BNC2: variants seen among roughly 807,000 people sequenced by gnomAD.
BNC2 encodes basonuclin zinc finger protein 2, also known as zinc finger protein basonuclin-2.
A neutral mutation model predicts 76.3 loss-of-function variants in BNC2; 20 were observed. That is an observed-to-expected ratio of 0.26 (90% CI 0.18 to 0.38). BNC2 has a LOEUF of 0.38. Ranked by LOEUF, BNC2 falls within the 10% of genes least tolerant of loss-of-function variation. BNC2 has a pLI of 1.00. For synonymous variants in BNC2, 582 were observed against 514.8 expected (o/e 1.13, Z -1.77); for missense variants, 1,382 against 1,399.8 (o/e 0.99, Z 0.20).
Position 16,725,985 on chromosome 9 carries a change from A to AACACACACAC in BNC2, c.330+1802_330+1811dup, listed in dbSNP as rs201355622. The stretch of plus-strand genomic sequence containing the variant: ...GAGACGTAAGCCAATCTTCCCTTCT[A>AACACACACAC]ACACACACACACACACGCACACACA... On this transcript the variant is annotated intron_variant, in intron 3 of 6. Coordinates refer to ENST00000380672, the MANE Select transcript of BNC2 (RefSeq NM_017637.6). Among the ~76,000 whole-genome samples, 1,172 of 142,388 alleles carry AACACACACAC rather than the reference A, an allele frequency of 8.2e-3. 12 individuals are homozygous for AACACACACAC. The highest frequency in any genetic ancestry group is 0.019 in the African/African-American group (703 of 37,330). 93.4% of individuals were successfully genotyped at this position (142,388 alleles called of 152,430 possible).
chr9:16,463,299 T>TTC (rs1821626107), intron 5 of BNC2, among the ~76,000 whole-genome samples: 1 of 133,936 alleles, frequency 7.5e-6, no homozygotes, highest in African/African-American at 3.4e-5. Context: ...AAATTCTTTT[T>TTC]TTTTTTTTTT....
intron 2 of BNC2, among the ~76,000 whole-genome samples, chr9:16,729,511 T>C (rs1375015760): frequency 2.0e-5 from 3 of 151,970 alleles, no homozygotes; most frequent in Non-Finnish European, 4.4e-5. Context: ...CCTTCCCCTC[T>C]AGAACCGACA....
chr9:16,508,146 C>T (rs565941429), intron 5 of BNC2, among the ~76,000 whole-genome samples: 40 of 152,274 alleles, frequency 2.6e-4, no homozygotes, highest in African/African-American at 9.1e-4. Flanking sequence ...AACAAAGGTC[C>T]GCATTGCTTC....
At chr9:16,585,648 A>G (rs970931190) in intron 3 of BNC2, among the ~76,000 whole-genome samples, 1 of 152,208 alleles carries the variant, frequency 6.6e-6, no homozygotes, top group Admixed American at 6.5e-5. Context: ...TTGACATACT[A>G]TTTATTCACA....
chr9:16,667,441 A>C (rs1445148936), intron 3 of BNC2, among the ~76,000 whole-genome samples: 1 of 152,228 alleles, frequency 6.6e-6, no homozygotes, highest in East Asian at 1.9e-4. Context: ...ATTGTAGTTA[A>C]TTGAAAATTA....
At chr9:16,729,984 T>C (rs1218018861) in intron 2 of BNC2, among the ~76,000 whole-genome samples, 1 of 151,090 alleles carries the variant, frequency 6.6e-6, no homozygotes, top group African/African-American at 2.5e-5. Context: ...CGCCTCTCAC[T>C]CGCCCTCTCC....
At chr9:16,531,918 T>C (rs1339847545) in intron 5 of BNC2, among the ~76,000 whole-genome samples, 2 of 152,116 alleles carry the variant, frequency 1.3e-5, no homozygotes, top group African/African-American at 4.8e-5. Context: ...TCTTCTTAAA[T>C]GGGGAAGTTT....
chr9:16,800,236 A>AC (rs1554736514), intron 1 of BNC2, among the ~76,000 whole-genome samples: 7 of 151,418 alleles, frequency 4.6e-5, no homozygotes, highest in African/African-American at 1.7e-4. Context: ...AAAAAAAAAA[A>AC]GAAAAGAAAC....
intron 3 of BNC2, among the ~76,000 whole-genome samples, chr9:16,659,218 C>G (rs1237885083): frequency 1.3e-5 from 2 of 152,116 alleles, no homozygotes; most frequent in Non-Finnish European, 2.9e-5. Flanking sequence ...GTATTACAGT[C>G]AAATTCTATT....
At chr9:16,508,674 CA>C (rs1822685966) in intron 5 of BNC2, among the ~76,000 whole-genome samples, 1 of 152,132 alleles carries the variant, frequency 6.6e-6, no homozygotes, top group South Asian at 2.1e-4. Flanking sequence ...CCCAGAGGCC[CA>C]AATCCAAATT....
intron 3 of BNC2, among the ~76,000 whole-genome samples, chr9:16,633,436 G>C (rs113729641): frequency 1.3e-5 from 2 of 152,300 alleles, no homozygotes; most frequent in African/African-American, 4.8e-5. Context: ...AATAACTAAA[G>C]TCTCACATTC....
intron 3 of BNC2, among the ~76,000 whole-genome samples, chr9:16,691,504 CTTTT>C (rs71327842): frequency 0.039 from 4,467 of 113,102 alleles, 79 homozygotes; most frequent in Non-Finnish European, 0.057. Flanking sequence ...GGTATGGGTT[CTTTT>C]TTTTTTTTTT....
intron 4 of BNC2, among the ~76,000 whole-genome samples, chr9:16,563,481 TTTGATA>T (rs1819076137): frequency 6.6e-6 from 1 of 152,180 alleles, no homozygotes; most frequent in African/African-American, 2.4e-5. Flanking sequence ...TAAATCATTA[TTTGATA>T]TAATTTCTTA....
intron 3 of BNC2, among the ~76,000 whole-genome samples, chr9:16,661,577 C>G (rs562221713): frequency 6.6e-6 from 1 of 152,068 alleles, no homozygotes; most frequent in Admixed American, 6.5e-5. Flanking sequence ...CTCAGGGATT[C>G]CCTCCATCAG....
At chr9:16,450,531 G>A (rs1395178367) in intron 5 of BNC2, among the ~76,000 whole-genome samples, 1 of 152,126 alleles carries the variant, frequency 6.6e-6, no homozygotes, top group Non-Finnish European at 1.5e-5. Flanking sequence ...TAAGTAACAG[G>A]GCCACACCAA....
At position 16,456,168 on chromosome 9, in the gene BNC2, C is replaced by G. The variant is rs538185428; in HGVS notation, c.670-18644G>C. On this transcript the variant is annotated intron_variant, in intron 5 of 6. Coordinates refer to ENST00000380672, the MANE Select transcript of BNC2 (RefSeq NM_017637.6). ...ACATGAAATTAAGGTCAAAATTTCA[C>G]TAATGAAAAGAAGGTGGAAAACATT... 1.3e-5 allele frequency among the ~76,000 whole-genome samples: 2 copies of G among 152,252 alleles called. 1 individual carries two copies. Among genetic ancestry groups the G allele is most frequent in the South Asian group, 4.1e-4 (2 of 4,826 alleles).
chr9:16,455,776 G>A (rs376746002), intron 5 of BNC2, among the ~76,000 whole-genome samples: 52 of 140,886 alleles, frequency 3.7e-4, no homozygotes, highest in African/African-American at 1.2e-3. Context: ...TGGGAGACAA[G>A]AGCAAAACTC....
At chr9:16,502,029 T>C (rs1184987686) in intron 5 of BNC2, among the ~76,000 whole-genome samples, 2 of 152,162 alleles carry the variant, frequency 1.3e-5, no homozygotes, top group Admixed American at 1.3e-4. Context: ...TCTCCTCAGA[T>C]AAATGAGTTT....
chr9:16,455,886 T>A (rs1194778570), intron 5 of BNC2, among the ~76,000 whole-genome samples: 1 of 152,164 alleles, frequency 6.6e-6, no homozygotes, highest in African/African-American at 2.4e-5. Context: ...CCTAGTAGCA[T>A]TTGTTATTTC....
Sources: gnomAD v4.1 joint callset for allele counts (sites outside exome capture counted in the v4.1 genomes callset) on GRCh38, gnomAD v4.1.1 for gene constraint, MANE v1.5 for transcripts, NCBI Gene and HGNC (gene_info 2026-07-23, HGNC 2026-07-21) for gene names.